FBXL7: variants seen among roughly 807,000 people sequenced by gnomAD.
FBXL7 encodes F-box/LRR-repeat protein 7.
In FBXL7, 12 loss-of-function variants were observed where a neutral mutation model predicts 38.3. The observed-to-expected ratio is 0.31, with a 90% CI of 0.20 to 0.51. The LOEUF is 0.51. Ranked by LOEUF, FBXL7 falls within the 20% of genes least tolerant of loss-of-function variation. The probability of loss-of-function intolerance (pLI) is 0.98; values close to 1 mark genes in which losing one functional copy is unlikely to be tolerated. For synonymous variants in FBXL7, 297 were observed against 300.9 expected, an observed-to-expected ratio of 0.99 and a Z score of 0.13; for missense variants, 567 against 676.4, an observed-to-expected ratio of 0.84 and a Z score of 1.79.
intron 2 of FBXL7, among the ~76,000 whole-genome samples, chr5:15,893,189 G>T (rs1041671324): frequency 6.6e-6 from 1 of 151,818 alleles, no homozygotes; most frequent in Non-Finnish European, 1.5e-5. Flanking sequence ...GGAGAGGCAG[G>T]ACAGGGTGGA....
chr5:15,626,189 A>G (rs189180566), intron 2 of FBXL7, among the ~76,000 whole-genome samples: 21 of 152,334 alleles, frequency 1.4e-4, no homozygotes, highest in African/African-American at 4.8e-4. Flanking sequence ...TCAATGAGCA[A>G]TTCACTGCTT....
At chr5:15,666,355 G>A (rs150158248) in intron 2 of FBXL7, among the ~76,000 whole-genome samples, 19 of 152,226 alleles carry the variant, frequency 1.2e-4, no homozygotes, top group African/African-American at 4.3e-4. Context: ...GTCATAATGT[G>A]CAATCATCAC....
chr5:15,911,525 C>T (rs1183456404), intron 2 of FBXL7, among the ~76,000 whole-genome samples: 8 of 131,800 alleles, frequency 6.1e-5, no homozygotes, highest in African/African-American at 1.9e-4. Context: ...TCTCTCAGCT[C>T]GTCAAAATCA....
intron 1 of FBXL7, among the ~76,000 whole-genome samples, chr5:15,516,017 G>A (rs565135019): frequency 6.6e-6 from 1 of 152,218 alleles, no homozygotes; most frequent in East Asian, 1.9e-4. Context: ...AATTAACCCA[G>A]CTACTACTTT....
intron 2 of FBXL7, among the ~76,000 whole-genome samples, chr5:15,900,165 ATAAT>A (rs1165794001): frequency 7.9e-5 from 12 of 152,186 alleles, no homozygotes; most frequent in Admixed American, 5.2e-4. Context: ...GAAGAAATAA[ATAAT>A]TAATAGTACT....
At chr5:15,824,925 T>C (rs1738270654) in intron 2 of FBXL7, among the ~76,000 whole-genome samples, 2 of 152,174 alleles carry the variant, frequency 1.3e-5, no homozygotes, top group Non-Finnish European at 2.9e-5. Context: ...GCTAGAAGAG[T>C]TTCCAAAATG....
intron 2 of FBXL7, among the ~76,000 whole-genome samples, chr5:15,855,314 T>A (rs150484449): frequency 6.6e-6 from 1 of 152,198 alleles, no homozygotes; most frequent in African/African-American, 2.4e-5. Flanking sequence ...AGACACTTGA[T>A]GCTGAGGTGC....
At chr5:15,574,565 CA>C (rs1738896503) in intron 1 of FBXL7, among the ~76,000 whole-genome samples, 2 of 152,074 alleles carry the variant, frequency 1.3e-5, no homozygotes, top group Non-Finnish European at 2.9e-5. Flanking sequence ...TGAAATAAGC[CA>C]GTAGCTTCGT....
At chr5:15,665,998 G>T (rs140861581) in intron 2 of FBXL7, among the ~76,000 whole-genome samples, 7 of 152,026 alleles carry the variant, frequency 4.6e-5, no homozygotes, top group African/African-American at 1.2e-4. Context: ...ATATAATCAG[G>T]ATCTAGAGGA....
At chr5:15,740,191 C>G (rs1284830731) in intron 2 of FBXL7, among the ~76,000 whole-genome samples, 2 of 152,202 alleles carry the variant, frequency 1.3e-5, no homozygotes, top group African/African-American at 2.4e-5. Context: ...GAGGCACTGA[C>G]AGCAAAGCTC....
At chr5:15,652,341 A>G (rs998011752) in intron 2 of FBXL7, among the ~76,000 whole-genome samples, 9 of 152,198 alleles carry the variant, frequency 5.9e-5, no homozygotes, top group Non-Finnish European at 1.2e-4. Flanking sequence ...ATCTCGGCTC[A>G]CTGCAATCTC....
chr5:15,545,003 C>T (rs905682155), intron 1 of FBXL7, among the ~76,000 whole-genome samples: 1 of 152,140 alleles, frequency 6.6e-6, no homozygotes, highest in Non-Finnish European at 1.5e-5. Flanking sequence ...AGAAATGAAT[C>T]GTTCTAGAGG....
In FBXL7 at chr5:15,893,411, A is replaced by T. The variant is rs73062484; in HGVS notation, c.128-34479A>T. On this transcript the variant is annotated intron_variant, in intron 2 of 3. Transcript: ENST00000504595. ...TCAGATATAAGCATAATACTTAGGGATGTTATAAATCAATTCTGAGTTTAT... is the reference window on the plus strand; with the variant it reads ...TCAGATATAAGCATAATACTTAGGGTTGTTATAAATCAATTCTGAGTTTAT... Among the ~76,000 whole-genome samples the T allele has an allele frequency of 4.4e-3, 669 of 152,340 alleles. 6 individuals carry two copies. The highest frequency in any genetic ancestry group is 0.015 in the African/African-American group (630 of 41,570).
At position 15,874,481 on chromosome 5, in the gene FBXL7, CTGTT is replaced by C. The variant is rs1740115245; in HGVS notation, c.128-53406_128-53403del. On this transcript the variant is annotated intron_variant, in intron 2 of 3. Coordinates refer to ENST00000504595, the MANE Select transcript of FBXL7 (RefSeq NM_012304.5). Reference sequence around the variant, plus strand: ...AGGAAGAGATGAAGTCAATTTATCTCTGTTTGCAGATGACATGATTTTATATTTA... The same window carrying C: ...AGGAAGAGATGAAGTCAATTTATCTCTGCAGATGACATGATTTTATATTTA... 2.0e-5 allele frequency among the ~76,000 whole-genome samples: 3 copies of C among 152,292 alleles called. No individual in the cohort carries two copies. The South Asian group carries it at 6.2e-4, about 32-fold the overall frequency.
chr5:15,676,082 G>T (rs529939637), intron 2 of FBXL7, among the ~76,000 whole-genome samples: 13 of 152,204 alleles, frequency 8.5e-5, no homozygotes, highest in African/African-American at 2.9e-4. Context: ...CTCCTCTCCC[G>T]ATCTGGAATT....
chr5:15,663,326 C>G (rs1350425455), intron 2 of FBXL7, among the ~76,000 whole-genome samples: 4 of 152,104 alleles, frequency 2.6e-5, no homozygotes, highest in Non-Finnish European at 5.9e-5. Flanking sequence ...TATAGGAATG[C>G]TAGTGATTTT....
At chr5:15,729,794 A>G (rs1178316228) in intron 2 of FBXL7, among the ~76,000 whole-genome samples, 1 of 152,198 alleles carries the variant, frequency 6.6e-6, no homozygotes, top group Non-Finnish European at 1.5e-5. Flanking sequence ...AGGCAGCATC[A>G]TATGTGATTT....
At chr5:15,719,938 G>A (rs1744147214) in intron 2 of FBXL7, among the ~76,000 whole-genome samples, 1 of 148,830 alleles carries the variant, frequency 6.7e-6, no homozygotes, top group Non-Finnish European at 1.5e-5. Flanking sequence ...TCACTGACTT[G>A]TAGAGACTTG....
At chr5:15,759,258 T>C (rs1011001143) in intron 2 of FBXL7, among the ~76,000 whole-genome samples, 8 of 152,200 alleles carry the variant, frequency 5.3e-5, no homozygotes, top group African/African-American at 1.9e-4. Flanking sequence ...TTAAAGACTC[T>C]TTAAATGAAA....
Sources: gnomAD v4.1 joint callset for allele counts (sites outside exome capture counted in the v4.1 genomes callset) on GRCh38, gnomAD v4.1.1 for gene constraint, MANE v1.5 for transcripts, NCBI Gene and HGNC (gene_info 2026-07-23, HGNC 2026-07-21) for gene names.